NCKAP5: variants seen among roughly 807,000 people sequenced by gnomAD.
NCKAP5 encodes the protein nck-associated protein 5.
A neutral mutation model predicts 167.0 loss-of-function variants in NCKAP5; 92 were observed. That is an observed-to-expected ratio of 0.55 (90% CI 0.47 to 0.66). The LOEUF (loss-of-function observed/expected upper bound fraction) is 0.66. NCKAP5 is among the 30% of genes least tolerant of loss of function. The pLI is 0.00. For missense variants in NCKAP5, 2,378 were observed against 2,315.0 expected, an observed-to-expected ratio of 1.03 and a Z score of -0.56; for synonymous variants, 891 against 877.4, an observed-to-expected ratio of 1.02 and a Z score of -0.27.
intron 11 of NCKAP5, among the ~76,000 whole-genome samples, chr2:132,820,331 G>A (rs913722911): frequency 4.0e-5 from 6 of 151,828 alleles, no homozygotes; most frequent in Non-Finnish European, 7.4e-5. Flanking sequence ...CCGGGTTCAC[G>A]CCATTCTCCT....
chr2:133,193,642 G>A (rs983174864), intron 5 of NCKAP5, among the ~76,000 whole-genome samples: 11 of 152,040 alleles, frequency 7.2e-5, no homozygotes, highest in African/African-American at 2.4e-4. Context: ...CAAATAAACC[G>A]GAGAAACTCA....
chr2:133,115,775 G>GTGTATATATA (rs1296649163), intron 6 of NCKAP5, among the ~76,000 whole-genome samples: 18 of 94,300 alleles, frequency 1.9e-4, no homozygotes, highest in South Asian at 8.1e-4. Context: ...ATGTGTGTGT[G>GTGTATATATA]TATATATATA....
At position 133,559,792 on chromosome 2, in the gene NCKAP5, A is replaced by G. The variant is rs112993505; in HGVS notation, c.-129-675T>C. Among the ~76,000 whole-genome samples the G allele has an allele frequency of 6.2e-3, 950 of 152,296 alleles. 4 individuals carry two copies. The highest frequency in any genetic ancestry group is 0.01 in the Non-Finnish European group (685 of 68,032). ...GCCTTCCATTATACTGTCTGCATTAATTGACTCCAAAGATCAAATCCTGGT... is the reference window on the plus strand; with the variant it reads ...GCCTTCCATTATACTGTCTGCATTAGTTGACTCCAAAGATCAAATCCTGGT... On this transcript the variant is annotated intron_variant, in intron 1 of 19. Transcript: ENST00000409261.
At chr2:132,908,468 G>C (rs1439732615) in intron 8 of NCKAP5, among the ~76,000 whole-genome samples, 1 of 152,148 alleles carries the variant, frequency 6.6e-6, no homozygotes, top group Non-Finnish European at 1.5e-5. Flanking sequence ...CTTCCAAAAG[G>C]ATATTATTCT....
intron 19 of NCKAP5, among the ~76,000 whole-genome samples, chr2:132,689,154 C>T (rs1168628892): frequency 6.6e-6 from 1 of 152,062 alleles, no homozygotes; most frequent in Non-Finnish European, 1.5e-5. Context: ...AACCATGCCA[C>T]ATAACATGTG....
intron 4 of NCKAP5, among the ~76,000 whole-genome samples, chr2:133,242,119 C>CAAAAAAA (rs1176776551): frequency 1.0e-4 from 5 of 48,252 alleles, no homozygotes; most frequent in Non-Finnish European, 1.3e-4. Flanking sequence ...AACTCTGTCT[C>CAAAAAAA]AAAAAAAAAA....
intron 5 of NCKAP5, among the ~76,000 whole-genome samples, chr2:133,186,666 T>G (rs1212265531): frequency 6.6e-6 from 1 of 152,120 alleles, no homozygotes; most frequent in Non-Finnish European, 1.5e-5. Context: ...ACTTTTTTCC[T>G]GGTTCAATCT....
chr2:132,908,899 T>C (rs1440843902), intron 8 of NCKAP5, among the ~76,000 whole-genome samples: 2 of 152,234 alleles, frequency 1.3e-5, no homozygotes, highest in Non-Finnish European at 2.9e-5. Context: ...TGATTACAAT[T>C]ACGAATCTTT....
At chr2:133,480,463 T>A (rs1427999222) in intron 3 of NCKAP5, among the ~76,000 whole-genome samples, 2 of 152,206 alleles carry the variant, frequency 1.3e-5, no homozygotes, top group Admixed American at 1.3e-4. Context: ...TTTGGGGAAC[T>A]GTCCTGCCAT....
chr2:132,832,002 T>C (rs17325914), intron 11 of NCKAP5, among the ~76,000 whole-genome samples: 83,961 of 151,736 alleles, frequency 0.55, 23,816 homozygotes, highest in East Asian at 0.79. Flanking sequence ...TGTGAAGATA[T>C]TTTCCTTCTT....
chr2:132,949,722 TG>T (rs1195183989), intron 8 of NCKAP5, among the ~76,000 whole-genome samples: 4 of 152,252 alleles, frequency 2.6e-5, no homozygotes, highest in African/African-American at 9.6e-5. Context: ...TCCCAAACCA[TG>T]TGTCGCTAAA....
intron 2 of NCKAP5, among the ~76,000 whole-genome samples, chr2:133,530,192 G>C (rs1358744379): frequency 6.6e-6 from 1 of 151,906 alleles, no homozygotes; most frequent in African/African-American, 2.4e-5. Flanking sequence ...TCCTCCCACG[G>C]ATTTGAAATG....
intron 2 of NCKAP5, among the ~76,000 whole-genome samples, chr2:133,527,784 G>C (rs75999275): frequency 0.044 from 6,646 of 152,072 alleles, 170 homozygotes; most frequent in South Asian, 0.068. Context: ...GTAAAACAAG[G>C]CCAGGTTCGG....
At chr2:133,134,301 C>T (rs1205579730) in intron 5 of NCKAP5, among the ~76,000 whole-genome samples, 1 of 152,224 alleles carries the variant, frequency 6.6e-6, no homozygotes, top group Non-Finnish European at 1.5e-5. Flanking sequence ...AGGTAAAGCA[C>T]CATATTTATT....
At chr2:133,492,485 G>A (rs1038655768) in intron 3 of NCKAP5, among the ~76,000 whole-genome samples, 3 of 152,090 alleles carry the variant, frequency 2.0e-5, no homozygotes, top group Non-Finnish European at 2.9e-5. Context: ...CTTCCTGTGC[G>A]TGGTCTCTGA....
chr2:132,790,288 G>T, intron 12 of NCKAP5, 83 bp from the exon 13 acceptor site: 1 of 1,210,692 alleles, frequency 8.3e-7, no homozygotes, highest in Non-Finnish European at 1.2e-6. Flanking sequence ...AGGTAGATGG[G>T]AATACAGATG....
the NCKAP5 span, among the ~76,000 whole-genome samples, chr2:133,666,408 G>A: frequency 7.9e-5 from 12 of 151,784 alleles, no homozygotes; most frequent in African/African-American, 2.9e-4. Flanking sequence ...ATGTTGGCCA[G>A]GCTGGTCTCA....
chr2:133,185,660 C>T (rs974922062), intron 5 of NCKAP5, among the ~76,000 whole-genome samples: 5 of 151,902 alleles, frequency 3.3e-5, no homozygotes, highest in African/African-American at 1.2e-4. Context: ...TTTTATAGTT[C>T]TCCTTTAGTG....
chr2:133,115,371 C>T (rs532253109), intron 6 of NCKAP5, among the ~76,000 whole-genome samples: 196 of 152,176 alleles, frequency 1.3e-3, no homozygotes, highest in African/African-American at 4.1e-3. Flanking sequence ...TTCTTTTTGT[C>T]ATGAATATGG....
Sources: gnomAD v4.1 joint callset for allele counts (sites outside exome capture counted in the v4.1 genomes callset) on GRCh38, gnomAD v4.1.1 for gene constraint, MANE v1.5 for transcripts, NCBI Gene and HGNC (gene_info 2026-07-23, HGNC 2026-07-21) for gene names.